ADAM12: variants seen among roughly 807,000 people sequenced by gnomAD.
ADAM12 encodes disintegrin and metalloproteinase domain-containing protein 12.
In ADAM12, 70 loss-of-function variants were observed where a neutral mutation model predicts 106.4. The observed-to-expected ratio is 0.66, with a 90% CI of 0.54 to 0.80. ADAM12 has a LOEUF of 0.80. Among genes scored for constraint, ADAM12 ranks in the 30% least tolerant of loss-of-function variants. The pLI is 0.00. For synonymous variants in ADAM12, 420 were observed against 433.5 expected, an observed-to-expected ratio of 0.97 and a Z score of 0.39; for missense variants, 1,010 against 1,171.9, an observed-to-expected ratio of 0.86 and a Z score of 2.02.
At chr10:126,309,518 C>T (rs1195799057) in intron 2 of ADAM12, among the ~76,000 whole-genome samples, 2 of 152,122 alleles carry the variant, frequency 1.3e-5, no homozygotes, top group Non-Finnish European at 2.9e-5. Flanking sequence ...TTAAGTAATT[C>T]TTACTAATGG....
intron 5 of ADAM12, among the ~76,000 whole-genome samples, chr10:126,132,146 C>T (rs1565083078): frequency 6.6e-6 from 1 of 151,940 alleles, no homozygotes; most frequent in African/African-American, 2.4e-5. Context: ...AGCTAATTTT[C>T]GTATTTTTAG....
intron 2 of ADAM12, among the ~76,000 whole-genome samples, chr10:126,286,539 C>A (rs1025239741): frequency 1.1e-4 from 16 of 152,180 alleles, no homozygotes; most frequent in Non-Finnish European, 4.4e-5. Flanking sequence ...CTTCAGGCTG[C>A]AGCCTTGGCA....
At chr10:126,059,251 C>T (rs887598090) in intron 14 of ADAM12, among the ~76,000 whole-genome samples, 4 of 152,170 alleles carry the variant, frequency 2.6e-5, no homozygotes, top group South Asian at 2.1e-4. Flanking sequence ...AATGACTCCA[C>T]GATGCAAATG....
chr10:126,262,346 G>A (rs939275582), intron 3 of ADAM12, among the ~76,000 whole-genome samples: 14 of 152,152 alleles, frequency 9.2e-5, no homozygotes, highest in Admixed American at 2.0e-4. Flanking sequence ...AAAAGATGCC[G>A]ATTCATCAAA....
At chr10:126,214,676 A>G (rs757407991) in intron 3 of ADAM12, among the ~76,000 whole-genome samples, 1 of 152,324 alleles carries the variant, frequency 6.6e-6, no homozygotes, top group African/African-American at 2.4e-5. Context: ...AAAGCACCAA[A>G]TTTTTAGAAA....
At chr10:126,169,068 A>T (rs1342215030) in intron 3 of ADAM12, among the ~76,000 whole-genome samples, 6 of 152,140 alleles carry the variant, frequency 3.9e-5, no homozygotes, top group African/African-American at 1.4e-4. Context: ...AAAACCCAAA[A>T]AGCAAAAAAC....
intron 1 of ADAM12, among the ~76,000 whole-genome samples, chr10:126,333,945 T>C (rs986680523): frequency 6.6e-6 from 1 of 152,210 alleles, no homozygotes. Context: ...GAGTACGGTA[T>C]GTATTATCTA....
chr10:126,352,020 C>A (rs528224519), intron 1 of ADAM12, among the ~76,000 whole-genome samples: 1 of 152,298 alleles, frequency 6.6e-6, no homozygotes, highest in South Asian at 2.1e-4. Context: ...AGCCTCAGAA[C>A]CCAGCACTCA....
At position 126,126,753 on chromosome 10, in the gene ADAM12, T is replaced by C. The variant is rs75018781; in HGVS notation, c.417-8529A>G. 7.1e-3 allele frequency among the ~76,000 whole-genome samples: 1,072 copies of C among 151,904 alleles called. 4 individuals carry two copies. The highest frequency in any genetic ancestry group is 0.012 in the Non-Finnish European group (809 of 67,970). ...GAGGGGGGTTGAACAAGGATGGTGA[T>C]AGAAGAGAGGGATGAAGGAGACGCT... is the stretch of plus-strand genomic sequence containing the variant. On this transcript the variant is annotated intron_variant, in intron 5 of 22. Coordinates refer to ENST00000448723, the MANE Select transcript of ADAM12 (RefSeq NM_001288973.2).
chr10:126,200,009 AGAAG>A (rs1957669274), intron 3 of ADAM12, among the ~76,000 whole-genome samples: 1 of 152,224 alleles, frequency 6.6e-6, no homozygotes, highest in Non-Finnish European at 1.5e-5. Flanking sequence ...GTCCATCAAC[AGAAG>A]GAAGGACAGT....
chr10:126,073,590 A>G (rs1955043755), intron 11 of ADAM12, among the ~76,000 whole-genome samples: 2 of 152,168 alleles, frequency 1.3e-5, no homozygotes, highest in Non-Finnish European at 2.9e-5. Flanking sequence ...TATGTACTCA[A>G]TGTTAGCTCC....
chr10:126,336,906 C>T (rs1169882545), intron 1 of ADAM12, among the ~76,000 whole-genome samples: 1 of 152,204 alleles, frequency 6.6e-6, no homozygotes, highest in Non-Finnish European at 1.5e-5. Flanking sequence ...TGACCCTGGG[C>T]AAGTTGCTTG....
chr10:126,129,945 T>A (rs780202738), intron 5 of ADAM12, among the ~76,000 whole-genome samples: 5 of 152,208 alleles, frequency 3.3e-5, no homozygotes, highest in Non-Finnish European at 7.3e-5. Context: ...TTCTTCTATG[T>A]TCTAGAACAG....
At chr10:126,157,758 T>C (rs1418044877) in intron 3 of ADAM12, among the ~76,000 whole-genome samples, 1 of 152,186 alleles carries the variant, frequency 6.6e-6, no homozygotes, top group African/African-American at 2.4e-5. Flanking sequence ...CTGAAACCCC[T>C]GTCTTCTAAG....
At chr10:126,097,833 T>C (rs1337832718) in intron 10 of ADAM12, among the ~76,000 whole-genome samples, 3 of 152,218 alleles carry the variant, frequency 2.0e-5, no homozygotes, top group African/African-American at 7.2e-5. Context: ...CTGTATTTCC[T>C]TTCACAAACA....
At chr10:126,245,118 C>T (rs1958603423) in intron 3 of ADAM12, among the ~76,000 whole-genome samples, 1 of 152,188 alleles carries the variant, frequency 6.6e-6, no homozygotes, top group African/African-American at 2.4e-5. Context: ...CCAGGACATC[C>T]CCTCGCCAGC....
chr10:126,199,157 T>C (rs546816058), intron 3 of ADAM12, among the ~76,000 whole-genome samples: 2 of 152,204 alleles, frequency 1.3e-5, no homozygotes, highest in Non-Finnish European at 2.9e-5. Context: ...CCAATAAGTT[T>C]AGACTAACCA....
intron 6 of ADAM12, among the ~76,000 whole-genome samples, chr10:126,113,312 G>C (rs1435066770): frequency 6.6e-6 from 1 of 152,102 alleles, no homozygotes; most frequent in Non-Finnish European, 1.5e-5. Flanking sequence ...ATGGCAAGGA[G>C]GTTGAGTGAT....
chr10:126,020,933 C>T (rs1174075554), intron 21 of ADAM12, among the ~76,000 whole-genome samples: 1 of 138,626 alleles, frequency 7.2e-6, no homozygotes, highest in African/African-American at 2.7e-5. Flanking sequence ...GCAGAGGTTG[C>T]AGTGAGCTGA....
Sources: allele counts gnomAD v4.1 joint callset (sites outside exome capture counted in the v4.1 genomes callset), GRCh38; gene constraint gnomAD v4.1.1; transcripts MANE v1.5; gene names NCBI Gene and HGNC (gene_info 2026-07-23, HGNC 2026-07-21).